Variants in RSRC1 observed in about 807,000 individuals in gnomAD.
The protein encoded by RSRC1 is arginine and serine rich coiled-coil 1.
RSRC1 carries 39 observed loss-of-function variants against 49.1 expected under a neutral mutation model. The ratio of observed to expected loss-of-function variants is 0.79; its 90% CI spans 0.61 to 1.04. The LOEUF is 1.04. Among genes scored for constraint, RSRC1 ranks in the 50% least tolerant of loss-of-function variants. RSRC1 has a pLI of 0.00. For missense variants in RSRC1, 388 were observed against 402.4 expected (o/e 0.96, Z 0.31); for synonymous variants, 143 against 130.8 (o/e 1.09, Z -0.63).
chr3:158,197,267 A>G (rs1370282218), intron 3 of RSRC1, among the ~76,000 whole-genome samples: 4 of 152,152 alleles, frequency 2.6e-5, no homozygotes, highest in Admixed American at 6.5e-5. Flanking sequence ...CATTTCTTCT[A>G]GATTTTCTAG....
At chr3:158,315,201 TG>T (rs1728361005) in intron 5 of RSRC1, among the ~76,000 whole-genome samples, 2 of 152,168 alleles carry the variant, frequency 1.3e-5, no homozygotes, top group Non-Finnish European at 1.5e-5. Flanking sequence ...GATGGTTACA[TG>T]GATGGATGGT....
chr3:158,216,525 C>T (rs1721953474), intron 4 of RSRC1, among the ~76,000 whole-genome samples: 1 of 151,298 alleles, frequency 6.6e-6, no homozygotes, highest in South Asian at 2.1e-4. Flanking sequence ...TGTGTAGTCT[C>T]AATGGATTCA....
intron 4 of RSRC1, 88 bp downstream of exon 4, chr3:158,203,333 G>T (rs971792229): frequency 1.5e-6 from 2 of 1,365,464 alleles, no homozygotes; most frequent in South Asian, 1.5e-5. Flanking sequence ...GGTTTTTCTT[G>T]TGGCTTATTT....
chr3:158,111,218 A>T (rs912231005), intron 1 of RSRC1, among the ~76,000 whole-genome samples: 29 of 152,370 alleles, frequency 1.9e-4, no homozygotes, highest in African/African-American at 6.7e-4. Context: ...GGTATCCTTT[A>T]AGAGCCTCTC....
At chr3:158,115,399 A>T (rs904478767) in intron 1 of RSRC1, among the ~76,000 whole-genome samples, 1 of 152,050 alleles carries the variant, frequency 6.6e-6, no homozygotes, top group Non-Finnish European at 1.5e-5. Context: ...ACAGAAATAG[A>T]GAATGGGAAT....
chr3:158,236,186 A>T (rs576175031), intron 4 of RSRC1, among the ~76,000 whole-genome samples: 5 of 152,232 alleles, frequency 3.3e-5, no homozygotes, highest in African/African-American at 1.2e-4. Context: ...TACAAAGGTA[A>T]TTCAATATTG....
At chr3:158,275,884 G>T (rs1725781268) in intron 4 of RSRC1, 2 of 641,786 alleles carry the variant, frequency 3.1e-6, no homozygotes, top group South Asian at 3.2e-5. Flanking sequence ...TTGTGTGGTG[G>T]AACTTATGGC....
chr3:158,130,251 C>T (rs542575763), intron 3 of RSRC1, among the ~76,000 whole-genome samples: 2 of 152,240 alleles, frequency 1.3e-5, no homozygotes, highest in East Asian at 3.9e-4. Context: ...GACCTAATTA[C>T]CTCCCACCAG....
At chr3:158,322,018 T>A (rs1728792718) in intron 5 of RSRC1, among the ~76,000 whole-genome samples, 1 of 149,850 alleles carries the variant, frequency 6.7e-6, no homozygotes, top group South Asian at 2.1e-4. Context: ...GTCTTTTATA[T>A]GTATTCACAT....
intron 3 of RSRC1, among the ~76,000 whole-genome samples, chr3:158,199,643 T>C (rs1326698743): frequency 1.3e-5 from 2 of 152,174 alleles, no homozygotes; most frequent in Non-Finnish European, 2.9e-5. Flanking sequence ...AGTATAAACA[T>C]TTAAAACTAT....
chr3:158,350,761 T>C (rs768792019), intron 5 of RSRC1, among the ~76,000 whole-genome samples: 12 of 152,214 alleles, frequency 7.9e-5, no homozygotes, highest in Non-Finnish European at 1.6e-4. Flanking sequence ...TTGGTAATAC[T>C]GTTTATTCAT....
At chr3:158,515,593 C>T (rs199859582) in intron 7 of RSRC1, among the ~76,000 whole-genome samples, 16,654 of 118,634 alleles carry the variant, frequency 0.14, 1,209 homozygotes, top group African/African-American at 0.3. Flanking sequence ...TTGCTCTTCT[C>T]GAGGATTATC....
At chr3:158,508,680 C>T (rs1220734512) in intron 7 of RSRC1, among the ~76,000 whole-genome samples, 1 of 152,194 alleles carries the variant, frequency 6.6e-6, no homozygotes, top group African/African-American at 2.4e-5. Context: ...CACCATCACA[C>T]ATGAACCATC....
chr3:158,251,195 A>G (rs961331639), intron 4 of RSRC1, among the ~76,000 whole-genome samples: 4 of 152,150 alleles, frequency 2.6e-5, no homozygotes, highest in Non-Finnish European at 5.9e-5. Context: ...TTTGTCTGCA[A>G]GTACCATGCT....
At chr3:158,370,359 T>C (rs1731999004) in intron 6 of RSRC1, among the ~76,000 whole-genome samples, 1 of 151,998 alleles carries the variant, frequency 6.6e-6, no homozygotes, top group Non-Finnish European at 1.5e-5. Flanking sequence ...AAGATTTTGG[T>C]AAAGAACCTT....
At position 158,534,683 on chromosome 3, in the gene RSRC1, G is replaced by A. The variant is rs561921794; in HGVS notation, c.653-2409G>A. On this transcript the variant is annotated intron_variant, in intron 7 of 9. Coordinates refer to ENST00000611884, the MANE Select transcript of RSRC1 (RefSeq NM_001271838.2). ...ATTTATTAAAGCTGTAACTGTGAAA[G>A]CAGAAGACTAGAAACAACTAACCAT... is the stretch of plus-strand genomic sequence containing the variant. 5.3e-5 allele frequency among the ~76,000 whole-genome samples: 8 copies of A among 151,644 alleles called. No homozygotes were observed. The South Asian group carries it at 1.7e-3, about 31-fold the overall frequency.
intron 7 of RSRC1, among the ~76,000 whole-genome samples, chr3:158,477,458 G>A (rs1738415117): frequency 6.6e-6 from 1 of 152,028 alleles, no homozygotes; most frequent in South Asian, 2.1e-4. Context: ...CATCACCACT[G>A]AGGCAAGACC....
chr3:158,199,447 G>T (rs1346778630), intron 3 of RSRC1, among the ~76,000 whole-genome samples: 1 of 151,956 alleles, frequency 6.6e-6, no homozygotes, highest in Non-Finnish European at 1.5e-5. Context: ...GTTTCGCTGA[G>T]ACATTAATTT....
intron 3 of RSRC1, among the ~76,000 whole-genome samples, chr3:158,147,109 T>A (rs1717185825): frequency 7.0e-6 from 1 of 142,550 alleles, no homozygotes; most frequent in East Asian, 2.1e-4. Flanking sequence ...TGCCTTTTTT[T>A]TTTTTTTTTT....
Sources: gnomAD v4.1 joint callset for allele counts (sites outside exome capture counted in the v4.1 genomes callset) on GRCh38, gnomAD v4.1.1 for gene constraint, MANE v1.5 for transcripts, NCBI Gene and HGNC (gene_info 2026-07-23, HGNC 2026-07-21) for gene names.